The following CCDC15 variants were observed in gnomAD, a reference collection of about 807,000 sequenced individuals.
CCDC15 encodes coiled-coil domain-containing protein 15.
A neutral mutation model predicts 114.5 loss-of-function variants in CCDC15; 105 were observed. The observed-to-expected ratio is 0.92, with a 90% CI of 0.78 to 1.08. The LOEUF is 1.08. Among genes scored for constraint, CCDC15 ranks in the 50% least tolerant of loss-of-function variants. The probability of loss-of-function intolerance (pLI) is 0.00; values close to 1 mark genes in which losing one functional copy is unlikely to be tolerated. For missense variants in CCDC15, 1,105 were observed against 1,093.6 expected, an observed-to-expected ratio of 1.01 and a Z score of -0.15; for synonymous variants, 334 against 377.8, an observed-to-expected ratio of 0.88 and a Z score of 1.34.
intron 2 of CCDC15, among the ~76,000 whole-genome samples, chr11:124,958,786 G>A (rs1366883789): frequency 6.6e-6 from 1 of 152,146 alleles, no homozygotes; most frequent in African/African-American, 2.4e-5. Context: ...TAAAAATGGA[G>A]CATAATGCCA....
chr11:124,982,326 G>A (rs1386509427), intron 6 of CCDC15, among the ~76,000 whole-genome samples: 5 of 152,120 alleles, frequency 3.3e-5, no homozygotes, highest in African/African-American at 1.2e-4. Context: ...ATTTGATCCT[G>A]TCATCATGTT....
intron 4 of CCDC15, among the ~76,000 whole-genome samples, chr11:124,968,833 C>T (rs1051144229): frequency 3.3e-5 from 5 of 152,202 alleles, no homozygotes; most frequent in Non-Finnish European, 7.4e-5. Context: ...ATGTGGCCAT[C>T]TAATTCCTGC....
At chr11:124,975,764 A>T (rs1170777890) in intron 5 of CCDC15, among the ~76,000 whole-genome samples, 1 of 152,180 alleles carries the variant, frequency 6.6e-6, no homozygotes, top group Non-Finnish European at 1.5e-5. Context: ...AATACTGATT[A>T]TTTCTGGGTA....
At chr11:124,996,447 G>T (rs1948370949) in intron 11 of CCDC15, among the ~76,000 whole-genome samples, 1 of 152,140 alleles carries the variant, frequency 6.6e-6, no homozygotes, top group African/African-American at 2.4e-5. Flanking sequence ...CTCCTCTTCA[G>T]AGTTAATCAC....
Position 125,041,463 on chromosome 11 carries a change from A to AAT in CCDC15, c.*754_*755dup, listed in dbSNP as rs1948816708. 6.6e-6 allele frequency: 1 copy of AAT among 152,114 alleles called. No individual in the cohort carries two copies. The highest frequency in any genetic ancestry group is 2.1e-4 in the South Asian group (1 of 4,830). The allele number at this position is 152,114 out of a possible 1,614,324, so 9.4% of individuals were successfully genotyped here. Reference sequence around the variant, plus strand: ...TATGACATGGCTACAGGGCAAATGAAATAAAAATTGCCATAGTTGGTATGA... The same window carrying AAT: ...TATGACATGGCTACAGGGCAAATGAAATATAAAAATTGCCATAGTTGGTATGA... On this transcript the variant is annotated 3_prime_UTR_variant, in exon 16 of 16. Coordinates refer to ENST00000344762, the MANE Select transcript of CCDC15 (RefSeq NM_025004.3).
intron 9 of CCDC15, among the ~76,000 whole-genome samples, chr11:124,992,173 G>A (rs1948281983): frequency 6.6e-6 from 1 of 152,100 alleles, no homozygotes; most frequent in Non-Finnish European, 1.5e-5. Flanking sequence ...CTGGTCTAGG[G>A]AACTATATGA....
intron 4 of CCDC15, 37 bp downstream of exon 4, chr11:124,960,040 T>G (rs1298873068): frequency 6.8e-7 from 1 of 1,470,824 alleles, no homozygotes. Flanking sequence ...GTCTATGATA[T>G]TTTCCCTATC....
intron 13 of CCDC15, 38 bp from the exon 14 acceptor site, chr11:125,038,393 T>G: frequency 7.9e-7 from 1 of 1,267,362 alleles, no homozygotes; most frequent in Non-Finnish European, 1.0e-6. Context: ...AATAATAATT[T>G]TATGAAATTC....
At chr11:124,962,514 G>A (rs934908563) in intron 4 of CCDC15, among the ~76,000 whole-genome samples, 8 of 152,070 alleles carry the variant, frequency 5.3e-5, no homozygotes, top group Admixed American at 3.9e-4. Flanking sequence ...GTCCATGGTG[G>A]TTCATTATAG....
chr11:125,012,976 G>A (rs1948604656), intron 13 of CCDC15, among the ~76,000 whole-genome samples: 1 of 152,012 alleles, frequency 6.6e-6, no homozygotes. Flanking sequence ...TTATATAATG[G>A]AGATTATAAT....
intron 11 of CCDC15, among the ~76,000 whole-genome samples, chr11:125,001,327 A>C (rs1268136492): frequency 6.6e-6 from 1 of 152,244 alleles, no homozygotes; most frequent in African/African-American, 2.4e-5. Context: ...AAAGCACCAT[A>C]AGTATTGGGA....
At chr11:125,037,071 G>A (rs60601301) in intron 13 of CCDC15, among the ~76,000 whole-genome samples, 21,825 of 151,958 alleles carry the variant, frequency 0.14, 1,729 homozygotes, top group Non-Finnish European at 0.16. Context: ...CTGCCTCTTT[G>A]TGTGCTTAGT....
chr11:124,987,889 C>T lies in CCDC15; in HGVS notation c.1663C>T (p.Pro555Ser). The change falls in exon 8 of 16, where the codon CCC (proline) becomes TCC (serine). Residue 555 changes from proline to serine, a missense_variant. Physicochemically the swap from Pro to Ser is moderately conservative, Grantham distance 74 (BLOSUM62 -1). Coordinates refer to ENST00000344762, the MANE Select transcript of CCDC15 (RefSeq NM_025004.3). The part of the protein sequence containing the change: ...HVLPKDWNIL[P>S]KCQDQDFLPR... ...TCTCCCCAAAGACTGGAATATTCTACCCAAATGTCAGGACCAGGATTTTCT... is the reference window on the plus strand; with the variant it reads ...TCTCCCCAAAGACTGGAATATTCTATCCAAATGTCAGGACCAGGATTTTCT... The T allele has an allele frequency of 2.5e-6, 4 of 1,613,952 alleles. No homozygotes were observed. The highest frequency in any genetic ancestry group is 3.4e-6 in the Non-Finnish European group (4 of 1,179,886).
At chr11:125,030,960 A>G (rs1225847029) in intron 13 of CCDC15, among the ~76,000 whole-genome samples, 1 of 152,214 alleles carries the variant, frequency 6.6e-6, no homozygotes, top group Non-Finnish European at 1.5e-5. Context: ...TTTACCCCTC[A>G]GAGAGGTCCG....
intron 13 of CCDC15, among the ~76,000 whole-genome samples, chr11:125,033,497 A>G (rs949954356): frequency 9.2e-5 from 14 of 152,174 alleles, no homozygotes; most frequent in East Asian, 5.8e-4. Flanking sequence ...TTGAAGAGCA[A>G]TCCTTACAGA....
intron 13 of CCDC15, among the ~76,000 whole-genome samples, chr11:125,019,944 G>T (rs1014613471): frequency 0.014 from 3 of 210 alleles, no homozygotes; most frequent in African/African-American, 0.06. Context: ...TTCTATGTGG[G>T]GGGGGGCACA....
At position 124,986,723 on chromosome 11, in the gene CCDC15, T is replaced by G. The variant is rs1948169484; in HGVS notation, c.754-19T>G. The G allele has an allele frequency of 6.7e-7, 1 of 1,487,612 alleles. No individual in the cohort carries two copies. The highest frequency in any genetic ancestry group is 1.2e-5 in the South Asian group (1 of 80,504). The allele number at this position is 1,487,612 out of a possible 1,614,324, so 92.2% of individuals were successfully genotyped here. Reference sequence around the variant, plus strand: ...TGTGCGCGCGCGCGCGTGCGCGTTTTCATTGTTTTTTTCTTTAGGAACTTG... The same window carrying G: ...TGTGCGCGCGCGCGCGTGCGCGTTTGCATTGTTTTTTTCTTTAGGAACTTG... On this transcript the variant is annotated intron_variant, in intron 6 of 15. Transcript: ENST00000344762.
intron 6 of CCDC15, among the ~76,000 whole-genome samples, chr11:124,978,690 C>T (rs1026339311): frequency 1.3e-5 from 2 of 151,938 alleles, no homozygotes; most frequent in Admixed American, 6.6e-5. Context: ...TGTTTAATTC[C>T]TTGTATTCTG....
At chr11:124,973,341 A>G (rs1452021605) in intron 4 of CCDC15, among the ~76,000 whole-genome samples, 2 of 151,552 alleles carry the variant, frequency 1.3e-5, no homozygotes, top group South Asian at 2.1e-4. Context: ...AAGGAGGCAT[A>G]GTCATGGGGC....
Sources: gnomAD v4.1 joint callset for allele counts (sites outside exome capture counted in the v4.1 genomes callset) on GRCh38, gnomAD v4.1.1 for gene constraint, MANE v1.5 for transcripts, NCBI Gene and HGNC (gene_info 2026-07-23, HGNC 2026-07-21) for gene names.